Variants in SOX6 observed in about 807,000 individuals in gnomAD.
SOX6 encodes transcription factor SOX-6.
SOX6 carries 11 observed loss-of-function variants against 97.8 expected under a neutral mutation model. The observed-to-expected ratio is 0.11, with a 90% CI of 0.07 to 0.19. The LOEUF is 0.19. Among genes scored for constraint, SOX6 ranks in the 10% least tolerant of loss-of-function variants. SOX6 has a pLI of 1.00. For missense variants in SOX6, 810 were observed against 1,039.5 expected (o/e 0.78, Z 3.04); for synonymous variants, 360 against 371.4 (o/e 0.97, Z 0.35).
At chr11:16,378,942 T>G (rs1857726058) in intron 1 of SOX6, among the ~76,000 whole-genome samples, 1 of 152,190 alleles carries the variant, frequency 6.6e-6, no homozygotes, top group East Asian at 1.9e-4. Context: ...CTAAATATTT[T>G]TTATATATAT....
chr11:16,706,810 AT>A (rs199685438), intron 3 of SOX6, among the ~76,000 whole-genome samples: 46 of 149,954 alleles, frequency 3.1e-4, no homozygotes, highest in South Asian at 8.4e-4. Flanking sequence ...TTAGAAAACC[AT>A]TTTTTTTTCT....
intron 3 of SOX6, among the ~76,000 whole-genome samples, chr11:16,621,689 TTTTTCAGG>T (rs1285459750): frequency 2.0e-4 from 31 of 152,198 alleles, no homozygotes; most frequent in African/African-American, 7.5e-4. Context: ...CTGCAGAATT[TTTTTCAGG>T]TTTCCAAGTT....
chr11:16,646,115 C>T (rs765031295), intron 3 of SOX6: 1 of 152,170 alleles, frequency 6.6e-6, no homozygotes, highest in Non-Finnish European at 1.5e-5. Flanking sequence ...GAATTAACAG[C>T]CTCACCTGGG....
chr11:16,647,884 A>G (rs753894345), intron 3 of SOX6, among the ~76,000 whole-genome samples: 25 of 152,328 alleles, frequency 1.6e-4, no homozygotes, highest in Admixed American at 2.0e-4. Context: ...CAGGGAAGCC[A>G]TCCCTGACTA....
intron 3 of SOX6, among the ~76,000 whole-genome samples, chr11:16,244,569 A>G (rs747466896): frequency 2.7e-4 from 41 of 151,760 alleles, no homozygotes; most frequent in Admixed American, 9.9e-4. Flanking sequence ...GTTTAGTTTT[A>G]TATTTAGGTC....
chr11:16,312,141 C>T (rs533605258), intron 3 of SOX6: 1 of 152,202 alleles, frequency 6.6e-6, no homozygotes, highest in East Asian at 1.9e-4. Context: ...AATTTCTGAC[C>T]AATGTATGTC....
At chr11:16,480,713 ATTAAATGACC>A (rs200507587), upstream of SOX6, among the ~76,000 whole-genome samples, 1,286 of 149,528 alleles carry the variant, frequency 8.6e-3, 21 homozygotes, top group African/African-American at 0.028. Flanking sequence ...GGGTGGTTGG[ATTAAATGACC>A]TTACAGCCCT....
intron 4 of SOX6, among the ~76,000 whole-genome samples, chr11:16,208,690 T>A (rs1180133084): frequency 2.6e-5 from 4 of 152,192 alleles, no homozygotes; most frequent in Non-Finnish European, 2.9e-5. Flanking sequence ...TTAGCAAATA[T>A]GGTATTAATG....
chr11:16,316,123 C>A lies in SOX6; in HGVS notation c.445+2323G>T, dbSNP rs541300390. On this transcript the variant is annotated intron_variant, in intron 3 of 15. Coordinates refer to ENST00000683767, the MANE Select transcript of SOX6 (RefSeq NM_001367873.1). ...AAACTCATAGGTTTTTTTTTTTAAT[C>A]ATTCATCTGGCTGTTATTTGAATTT... 2.2e-4 allele frequency: 32 copies of A among 148,826 alleles called. No homozygotes were observed. In the South Asian group the frequency reaches 6.8e-3, roughly 32 times the overall value. The allele number at this position is 148,826 out of a possible 1,614,324, so 9.2% of individuals were successfully genotyped here. A position where few individuals can be genotyped will look rare whatever the true frequency, so the allele number is the denominator to read the frequency against.
intron 2 of SOX6, among the ~76,000 whole-genome samples, chr11:16,726,401 AGTGAGACT>A (rs988969770): frequency 5.3e-5 from 8 of 152,224 alleles, no homozygotes; most frequent in African/African-American, 1.9e-4. Flanking sequence ...TGGGTGACAG[AGTGAGACT>A]GTCTCAAAAA....
chr11:15,979,105 A>G (rs1853589887), intron 15 of SOX6, among the ~76,000 whole-genome samples: 1 of 138,270 alleles, frequency 7.2e-6, no homozygotes, highest in Non-Finnish European at 1.5e-5. Flanking sequence ...TGCTGTCTCA[A>G]CCTCATAGGT....
chr11:16,140,601 T>C (rs1430526422), intron 6 of SOX6, among the ~76,000 whole-genome samples: 3 of 152,178 alleles, frequency 2.0e-5, no homozygotes, highest in Admixed American at 1.3e-4. Context: ...GATAAGACCA[T>C]AAATCGTAAC....
intron 3 of SOX6, among the ~76,000 whole-genome samples, chr11:16,630,387 A>T (rs1289359405): frequency 6.6e-6 from 1 of 151,516 alleles, no homozygotes; most frequent in Non-Finnish European, 1.5e-5. Flanking sequence ...TTTCCTTATA[A>T]GTGTGTGTTT....
Position 16,234,738 on chromosome 11 carries a change from G to A in SOX6, c.446-67C>T, listed in dbSNP as rs1590051375. 1.3e-5 allele frequency: 12 copies of A among 948,958 alleles called. No individual in the cohort carries two copies. In the East Asian group the frequency reaches 3.1e-4, roughly 25 times the overall value. 58.8% of individuals were successfully genotyped at this position (948,958 alleles called of 1,614,324 possible). ...TACAAATTTAGAAAGTCAGTTTATG[G>A]GGAAATTCTCATTTAAGAATGCATA... is the stretch of plus-strand genomic sequence containing the variant. On this transcript the variant is annotated intron_variant, in intron 3 of 15. Coordinates refer to ENST00000683767, the MANE Select transcript of SOX6 (RefSeq NM_001367873.1).
At chr11:16,497,843 C>G (rs1332759409) in intron 4 of SOX6, among the ~76,000 whole-genome samples, 6 of 152,138 alleles carry the variant, frequency 3.9e-5, no homozygotes, top group African/African-American at 9.7e-5. Context: ...ACGTCTGATT[C>G]GTGTACCTGA....
chr11:16,546,579 GTCCCCTATCTC>G (rs1364267923), intron 4 of SOX6, among the ~76,000 whole-genome samples: 1 of 151,980 alleles, frequency 6.6e-6, no homozygotes, highest in East Asian at 1.9e-4. Flanking sequence ...AATAAAACTA[GTCCCCTATCTC>G]TCACCATATA....
intron 1 of SOX6, among the ~76,000 whole-genome samples, chr11:16,377,132 A>G (rs1254130398): frequency 6.6e-6 from 1 of 152,088 alleles, no homozygotes; most frequent in Non-Finnish European, 1.5e-5. Flanking sequence ...GATAAAAACT[A>G]TATCATCAGG....
rs1398863242 is a variant in SOX6 at position 16,114,867 on chromosome 11, T to C, written c.778-2944A>G. Among the ~76,000 whole-genome samples, 5 of 150,402 alleles carry C rather than the reference T, an allele frequency of 3.3e-5. No individual in the cohort carries two copies. In the East Asian group the frequency reaches 6.2e-4, roughly 19 times the overall value. On this transcript the variant is annotated intron_variant, in intron 6 of 15. Transcript: ENST00000683767. Reference sequence around the variant, plus strand: ...CAGATCATGAGACAACAGAAAAAGGTCAATAGCAATTAGAAACCAGAATTA... The same window carrying C: ...CAGATCATGAGACAACAGAAAAAGGCCAATAGCAATTAGAAACCAGAATTA...
At chr11:16,384,959 T>C (rs559082090) in intron 1 of SOX6, among the ~76,000 whole-genome samples, 3 of 152,188 alleles carry the variant, frequency 2.0e-5, no homozygotes, top group Admixed American at 6.6e-5. Flanking sequence ...AAAAAGGGCA[T>C]CTTTCCAGAA....
Sources: gnomAD v4.1 joint callset for allele counts (sites outside exome capture counted in the v4.1 genomes callset) on GRCh38, gnomAD v4.1.1 for gene constraint, MANE v1.5 for transcripts, NCBI Gene and HGNC (gene_info 2026-07-23, HGNC 2026-07-21) for gene names.